PDZD2: variants seen among roughly 807,000 people sequenced by gnomAD.
The protein encoded by PDZD2 is PDZ domain-containing protein 2.
Under a neutral mutation model 220.7 loss-of-function variants are expected in PDZD2, and 90 were observed. The observed-to-expected ratio is 0.41, with a 90% confidence interval of 0.34 to 0.49. The LOEUF is 0.49. PDZD2 is among the 20% of genes least tolerant of loss of function. The probability of loss-of-function intolerance (pLI) is 0.28; values close to 1 mark genes in which losing one functional copy is unlikely to be tolerated. For missense variants in PDZD2, 3,174 were observed against 3,608.5 expected (o/e 0.88, Z 3.08); for synonymous variants, 1,375 against 1,450.5 (o/e 0.95, Z 1.18).
intron 1 of PDZD2, among the ~76,000 whole-genome samples, chr5:31,757,920 A>G (rs2150183845): frequency 6.6e-6 from 1 of 152,338 alleles, no homozygotes; most frequent in South Asian, 2.1e-4. Flanking sequence ...TTCATGCCCT[A>G]TAAAGTGCTC....
In PDZD2 at chr5:31,677,505, G is replaced by A. The variant is rs1387899574; in HGVS notation, c.-361+38068G>A. Among the ~76,000 whole-genome samples, 10 of 23,732 alleles carry A rather than the reference G, an allele frequency of 4.2e-4. 5 individuals are homozygous for A. Among genetic ancestry groups the A allele is most frequent in the African/African-American group, 8.2e-4 (10 of 12,264 alleles). 15.6% of individuals were successfully genotyped at this position (23,732 alleles called of 152,430 possible). On this transcript the variant is annotated intron_variant, in intron 1 of 24. Transcript: ENST00000438447. ...GTGGCGGGCGCCTGTGGTCCCAGCT[G>A]CTTGGGAGGCTGAGGCAGGAGAATG...
At position 32,108,783 on chromosome 5, in the gene PDZD2, A is replaced by G. The variant is rs1745062964; in HGVS notation, c.*648A>G. 6.5e-6 allele frequency: 1 copy of G among 152,706 alleles called. No individual in the cohort carries two copies. Among genetic ancestry groups the G allele is most frequent in the Non-Finnish European group, 1.5e-5 (1 of 68,062 alleles). The allele number at this position is 152,706 out of a possible 1,614,324, so 9.5% of individuals were successfully genotyped here. ...TTTTAGTGAGTGTAATGTATAATGT[A>G]CGTATGCAAAGTTCAACTCAATAGG... On this transcript the variant is annotated 3_prime_UTR_variant, in exon 25 of 25. Coordinates refer to ENST00000438447, the MANE Select transcript of PDZD2 (RefSeq NM_178140.4).
In PDZD2 at chr5:32,074,179, C is replaced by T. The variant is rs1301370211; in HGVS notation, c.3073C>T (p.Leu1025=). Reference sequence around the variant, plus strand: ...CCAAGAGGAACGACCCCGGAAAACACTGGTGAGCAAGGCCATCTCGGCACC... The same window carrying T: ...CCAAGAGGAACGACCCCGGAAAACATTGGTGAGCAAGGCCATCTCGGCACC... ...HNQEERPRKT[L]VSKAISAPLL... The change falls in exon 18 of 25, where the codon CTG becomes TTG. Residue 1025 remains leucine, a synonymous_variant. Coordinates refer to ENST00000438447, the MANE Select transcript of PDZD2 (RefSeq NM_178140.4). The T allele has an allele frequency of 6.2e-7, 1 of 1,614,222 alleles. No homozygotes were observed. Among genetic ancestry groups the T allele is most frequent in the Admixed American group, 1.7e-5 (1 of 60,026 alleles).
At chr5:31,667,093 G>A (rs1463607079) in intron 1 of PDZD2, among the ~76,000 whole-genome samples, 1 of 151,976 alleles carries the variant, frequency 6.6e-6, no homozygotes, top group Non-Finnish European at 1.5e-5. Context: ...AAAACTAGCT[G>A]GGCGTGGTGG....
intron 6 of PDZD2, among the ~76,000 whole-genome samples, chr5:32,024,823 CCAAA>C (rs1457942857): frequency 3.3e-5 from 5 of 152,192 alleles, no homozygotes; most frequent in Admixed American, 6.5e-5. Context: ...GCTTTGCTAG[CCAAA>C]CAGTCTTTGT....
chr5:31,963,917 G>A (rs1262753421), intron 2 of PDZD2, among the ~76,000 whole-genome samples: 1 of 152,100 alleles, frequency 6.6e-6, no homozygotes, highest in Non-Finnish European at 1.5e-5. Flanking sequence ...GGCCCACCCA[G>A]CCCTCACAAT....
intron 6 of PDZD2, among the ~76,000 whole-genome samples, chr5:32,014,668 C>T (rs896020554): frequency 1.3e-5 from 2 of 148,204 alleles, no homozygotes; most frequent in African/African-American, 5.1e-5. Context: ...AGTTCTTCTC[C>T]GAATCTCTCT....
chr5:31,748,473 A>G (rs2150174119), intron 1 of PDZD2, among the ~76,000 whole-genome samples: 1 of 152,320 alleles, frequency 6.6e-6, no homozygotes, highest in East Asian at 1.9e-4. Flanking sequence ...CATAGCACAT[A>G]ATTCCAACAG....
At chr5:31,731,982 A>G (rs1264737799) in intron 1 of PDZD2, among the ~76,000 whole-genome samples, 1 of 152,234 alleles carries the variant, frequency 6.6e-6, no homozygotes, top group African/African-American at 2.4e-5. Context: ...GAGCTTTGCT[A>G]GGATCATGAA....
chr5:31,688,324 G>A (rs1041621464), intron 1 of PDZD2, among the ~76,000 whole-genome samples: 3 of 152,284 alleles, frequency 2.0e-5, no homozygotes, highest in Admixed American at 1.3e-4. Context: ...TAAAGGCCCT[G>A]GTGAGACTAA....
At position 31,646,163 on chromosome 5, in the gene PDZD2, T is replaced by C. The variant is rs533423981; in HGVS notation, c.-361+6726T>C. 7.2e-5 allele frequency among the ~76,000 whole-genome samples: 11 copies of C among 152,296 alleles called. 1 individual carries two copies. The South Asian group carries it at 2.3e-3, about 32-fold the overall frequency. Reference sequence around the variant, plus strand: ...AAGGCCAGCATGTTTCCGATGCCTGTCTAAGGTGAACCTGGCTTGTCCTGT... The same window carrying C: ...AAGGCCAGCATGTTTCCGATGCCTGCCTAAGGTGAACCTGGCTTGTCCTGT... On this transcript the variant is annotated intron_variant, in intron 1 of 24. Coordinates refer to ENST00000438447, the MANE Select transcript of PDZD2 (RefSeq NM_178140.4). The surrounding 1 kb of genome is among the most constrained non-coding windows in gnomAD (Gnocchi z 4.7).
chr5:32,009,151 T>C (rs1013477697), intron 5 of PDZD2, among the ~76,000 whole-genome samples: 1 of 151,844 alleles, frequency 6.6e-6, no homozygotes, highest in Non-Finnish European at 1.5e-5. Flanking sequence ...GAGACCAGCC[T>C]GGCCAACATA....
intron 1 of PDZD2, among the ~76,000 whole-genome samples, chr5:31,773,366 C>T (rs968370472): frequency 2.6e-5 from 4 of 151,892 alleles, no homozygotes; most frequent in African/African-American, 4.8e-5. Context: ...AAGGCAGACG[C>T]GGTGGCTCAT....
chr5:31,721,821 A>G (rs1433710650), intron 1 of PDZD2, among the ~76,000 whole-genome samples: 1 of 152,034 alleles, frequency 6.6e-6, no homozygotes, highest in East Asian at 1.9e-4. Flanking sequence ...GAGGCTGAGA[A>G]TGAGGATATT....
rs917799740 is a variant in PDZD2, at chr5:32,098,435, A to G, written c.8019A>G (p.Ser2673=). ...GTMNRGDFLL[S]VNGASLAGLA... is the part of the protein sequence containing the mutation. ...TGAACCGAGGGGATTTCCTTCTGTCAGTCAACGGCGCCTCACTGGCTGGCT... is the reference window on the plus strand; with the variant it reads ...TGAACCGAGGGGATTTCCTTCTGTCGGTCAACGGCGCCTCACTGGCTGGCT... Residue 2673 remains serine, a synonymous_variant, in exon 23 of 25, where the codon TCA becomes TCG. Coordinates refer to ENST00000438447, the MANE Select transcript of PDZD2 (RefSeq NM_178140.4). The surrounding 1 kb of genome is among the most constrained non-coding windows in gnomAD (Gnocchi z 4.1). 1.2e-6 allele frequency: 2 copies of G among 1,613,988 alleles called. No individual in the cohort carries two copies. Among genetic ancestry groups the G allele is most frequent in the East Asian group, 2.2e-5 (1 of 44,890 alleles).
chr5:31,923,139 C>CA (rs1366307624), intron 2 of PDZD2, among the ~76,000 whole-genome samples: 1 of 151,518 alleles, frequency 6.6e-6, no homozygotes, highest in African/African-American at 2.4e-5. Context: ...ACTAAAAATG[C>CA]AAAAAATTAG....
At chr5:31,659,442 A>G (rs1745680225) in intron 1 of PDZD2, among the ~76,000 whole-genome samples, 1 of 152,020 alleles carries the variant, frequency 6.6e-6, no homozygotes. Context: ...CAGCTACTCC[A>G]GAGTAACAAT....
At chr5:31,744,079 A>C (rs1216344254) in intron 1 of PDZD2, 2 of 152,216 alleles carry the variant, frequency 1.3e-5, no homozygotes, top group Non-Finnish European at 2.9e-5. Flanking sequence ...TGCAAAGCAG[A>C]ACTGGTTTGT....
Position 32,108,234 on chromosome 5 carries a change from G to A in PDZD2, c.*99G>A. On this transcript the variant is annotated 3_prime_UTR_variant, in exon 25 of 25. Coordinates refer to ENST00000438447, the MANE Select transcript of PDZD2 (RefSeq NM_178140.4). Reference sequence around the variant, plus strand: ...TGTTGAAATGGCCAACACTGGTACAGACACGGACTATAAAAATCTCCAAGC... The same window carrying A: ...TGTTGAAATGGCCAACACTGGTACAAACACGGACTATAAAAATCTCCAAGC... 1.4e-6 allele frequency: 1 copy of A among 693,038 alleles called. No homozygotes were observed. 42.9% of individuals were successfully genotyped at this position (693,038 alleles called of 1,614,324 possible).
Sources: gnomAD v4.1 joint callset for allele counts (sites outside exome capture counted in the v4.1 genomes callset) on GRCh38, gnomAD v4.1.1 for gene constraint, Gnocchi (gnomAD v3.1) non-coding constraint, MANE v1.5 for transcripts, NCBI Gene and HGNC (gene_info 2026-07-23, HGNC 2026-07-21) for gene names.